FSIP1: variants seen among roughly 807,000 people sequenced by gnomAD.
FSIP1 encodes fibrous sheath interacting protein 1, also known as fibrous sheath-interacting protein 1.
A neutral mutation model predicts 60.9 loss-of-function variants in FSIP1; 65 were observed. The observed-to-expected ratio is 1.07, with a 90% CI of 0.87 to 1.31. The LOEUF (loss-of-function observed/expected upper bound fraction) is 1.31. Ranked by LOEUF, FSIP1 falls within the 40% of genes most tolerant of loss-of-function variation. The pLI, the probability that FSIP1 is intolerant of heterozygous loss-of-function variation, is 0.00. For synonymous variants in FSIP1, 209 were observed against 221.2 expected (o/e 0.94, Z 0.49); for missense variants, 675 against 665.5 (o/e 1.01, Z -0.16).
At chr15:39,759,007 A>C (rs941760657) in intron 5 of FSIP1, among the ~76,000 whole-genome samples, 80 of 152,244 alleles carry the variant, frequency 5.3e-4, no homozygotes, top group African/African-American at 1.9e-3. Flanking sequence ...TCTCTAACTC[A>C]TATCTAATAC....
chr15:39,756,823 G>T lies in FSIP1; in HGVS notation c.559+6998C>A, dbSNP rs549662883. On this transcript the variant is annotated intron_variant, in intron 5 of 11. Coordinates refer to ENST00000350221, the MANE Select transcript of FSIP1 (RefSeq NM_152597.5). ...GATCATGCTTAAAATGATTCTCTCT[G>T]AATATAGCTTTCAAGTCCCTTGCAG... Among the ~76,000 whole-genome samples the T allele has an allele frequency of 2.0e-5, 3 of 152,184 alleles. No homozygotes were observed. The South Asian group carries it at 6.2e-4, about 32-fold the overall frequency.
In FSIP1 at chr15:39,600,818, A is replaced by G. The variant is rs576991013; in HGVS notation, c.*62T>C. 27 of 1,332,998 alleles carry G rather than the reference A, an allele frequency of 2.0e-5. No homozygotes were observed. In the Admixed American group the frequency reaches 2.6e-4, roughly 13 times the overall value. 82.6% of individuals were successfully genotyped at this position (1,332,998 alleles called of 1,614,324 possible). A position where few individuals can be genotyped will look rare whatever the true frequency, so the allele number is the denominator to read the frequency against. On this transcript the variant is annotated 3_prime_UTR_variant, in exon 12 of 12. Transcript: ENST00000350221. ...GCATTCATTGAATTCAAATAATTCA[A>G]TAAGAAATTTAATTTAACTTCATTA...
chr15:39,741,810 T>C lies in FSIP1; in HGVS notation c.650A>G (p.Asn217Ser), dbSNP rs554134584. 2.8e-5 allele frequency: 42 copies of C among 1,525,436 alleles called. No homozygotes were observed. The East Asian group carries it at 4.7e-4, about 17-fold the overall frequency. 94.5% of individuals were successfully genotyped at this position (1,525,436 alleles called of 1,614,324 possible). ...EEYEMQMQKL[N>S]KDFTCDVERN... Reference sequence around the variant, plus strand: ...TCACACAAATTTAAATATACCTTTATTGAGTTTCTGCATCTGCATTTCATA... The same window carrying C: ...TCACACAAATTTAAATATACCTTTACTGAGTTTCTGCATCTGCATTTCATA... Residue 217 changes from asparagine (N) to serine (S), a missense_variant, in exon 6 of 12, where the codon AAT (asparagine) becomes AGT (serine). Transcript: ENST00000350221.
chr15:39,680,481 C>G (rs1272036639), intron 10 of FSIP1, among the ~76,000 whole-genome samples: 2 of 152,170 alleles, frequency 1.3e-5, no homozygotes, highest in Admixed American at 1.3e-4. Flanking sequence ...GGTCACATGA[C>G]TAAGATTTGG....
At chr15:39,649,639 A>G (rs1220185893) in intron 10 of FSIP1, among the ~76,000 whole-genome samples, 1 of 152,006 alleles carries the variant, frequency 6.6e-6, no homozygotes, top group Non-Finnish European at 1.5e-5. Flanking sequence ...GGTCTTTTCC[A>G]TCCCTGCCTG....
intron 1 of FSIP1, among the ~76,000 whole-genome samples, chr15:39,776,851 C>T (rs1424414381): frequency 6.6e-6 from 1 of 152,126 alleles, no homozygotes; most frequent in Non-Finnish European, 1.5e-5. Context: ...TGGTCTTCCC[C>T]GAGGGAACAC....
At chr15:39,728,244 T>C (rs936773897) in intron 8 of FSIP1, among the ~76,000 whole-genome samples, 1 of 152,162 alleles carries the variant, frequency 6.6e-6, no homozygotes, top group African/African-American at 2.4e-5. Flanking sequence ...GCTATTCCTA[T>C]CAAACTACCA....
At chr15:39,620,915 T>C (rs1891419475) in intron 10 of FSIP1, among the ~76,000 whole-genome samples, 1 of 151,612 alleles carries the variant, frequency 6.6e-6, no homozygotes, top group Non-Finnish European at 1.5e-5. Flanking sequence ...CCAAATTTTT[T>C]AATAAAAATG....
chr15:39,776,448 C>T lies in FSIP1; in HGVS notation c.77G>A (p.Ser26Asn), dbSNP rs1898067246. 6.2e-7 allele frequency: 1 copy of T among 1,613,754 alleles called. No individual in the cohort carries two copies. Among genetic ancestry groups the T allele is most frequent in the African/African-American group, 1.3e-5 (1 of 74,920 alleles). ...SNSRIRPGSR[S>N]SNASLEVLST... The stretch of plus-strand genomic sequence containing the variant: ...GAGCACCTCCAAAGAAGCATTTGAA[C>T]TTCTGCTCCCAGGGCGTATTCTTGA... Residue 26 changes from serine to asparagine, a missense_variant, in exon 2 of 12, where the codon AGT becomes AAT. Coordinates refer to ENST00000350221, the MANE Select transcript of FSIP1 (RefSeq NM_152597.5).
At chr15:39,601,777 G>A (rs1325537564) in intron 11 of FSIP1, among the ~76,000 whole-genome samples, 2 of 152,158 alleles carry the variant, frequency 1.3e-5, no homozygotes, top group African/African-American at 4.8e-5. Flanking sequence ...AAGACATAAT[G>A]TAAGAAGCCA....
In FSIP1 at chr15:39,611,695, C is replaced by T. The variant is rs149295114; in HGVS notation, c.1699+6040G>A. On this transcript the variant is annotated intron_variant, in intron 11 of 11. Coordinates refer to ENST00000350221, the MANE Select transcript of FSIP1 (RefSeq NM_152597.5). ...ACCTTGAATGTAAATGGATTAAAGTCGCTAGTCAAAACACATAGAGTGGCT... is the reference window on the plus strand; with the variant it reads ...ACCTTGAATGTAAATGGATTAAAGTTGCTAGTCAAAACACATAGAGTGGCT... 5.4e-3 allele frequency among the ~76,000 whole-genome samples: 822 copies of T among 152,190 alleles called. 10 individuals carry two copies. Among genetic ancestry groups the T allele is most frequent in the African/African-American group, 0.018 (765 of 41,530 alleles).
At chr15:39,683,167 C>A (rs549166815) in intron 10 of FSIP1, among the ~76,000 whole-genome samples, 3 of 152,278 alleles carry the variant, frequency 2.0e-5, no homozygotes, top group Non-Finnish European at 4.4e-5. Flanking sequence ...AAACACAAGC[C>A]TACTTGTTCT....
intron 3 of FSIP1, among the ~76,000 whole-genome samples, chr15:39,767,129 G>A (rs1331739856): frequency 6.6e-6 from 1 of 152,150 alleles, no homozygotes; most frequent in Non-Finnish European, 1.5e-5. Context: ...GATTACAGGT[G>A]TGAGCTACTG....
At chr15:39,713,856 G>A (rs778132126) in intron 9 of FSIP1, among the ~76,000 whole-genome samples, 1 of 152,230 alleles carries the variant, frequency 6.6e-6, no homozygotes, top group African/African-American at 2.4e-5. Flanking sequence ...ACAGGAACCT[G>A]GGTTCTGGTC....
intron 5 of FSIP1, among the ~76,000 whole-genome samples, 183 bp downstream of exon 5, chr15:39,763,638 C>T (rs1356791610): frequency 6.6e-6 from 1 of 152,130 alleles, no homozygotes; most frequent in Non-Finnish European, 1.5e-5. Context: ...TTAAAGACAC[C>T]AAAACATACC....
intron 10 of FSIP1, among the ~76,000 whole-genome samples, chr15:39,708,232 A>G (rs71472406): frequency 6.6e-6 from 1 of 152,168 alleles, no homozygotes; most frequent in Non-Finnish European, 1.5e-5. Context: ...GACATGTGAA[A>G]AGAGCTCAAA....
chr15:39,641,454 C>T (rs1892366310), intron 10 of FSIP1, among the ~76,000 whole-genome samples: 1 of 152,042 alleles, frequency 6.6e-6, no homozygotes. Flanking sequence ...CGCATAGTAA[C>T]CAGCTGTATA....
intron 9 of FSIP1, among the ~76,000 whole-genome samples, chr15:39,717,197 T>C (rs964751189): frequency 2.0e-5 from 3 of 152,146 alleles, no homozygotes; most frequent in Non-Finnish European, 4.4e-5. Flanking sequence ...GAAATTAAAA[T>C]ATATAACTAA....
intron 10 of FSIP1, 113 bp from the exon 11 acceptor site, chr15:39,618,358 T>C (rs1389467874): frequency 2.6e-6 from 2 of 769,328 alleles, no homozygotes; most frequent in South Asian, 4.0e-5. Flanking sequence ...ACACAACACA[T>C]AAAAATAGAA....
Sources: allele counts gnomAD v4.1 joint callset (sites outside exome capture counted in the v4.1 genomes callset), GRCh38; gene constraint gnomAD v4.1.1; transcripts MANE v1.5; gene names NCBI Gene and HGNC (gene_info 2026-07-23, HGNC 2026-07-21).